Variants in UPP2 observed in about 807,000 individuals in gnomAD.
UPP2 encodes uridine phosphorylase 2.
A neutral mutation model predicts 26.7 loss-of-function variants in UPP2; 23 were observed. The observed-to-expected ratio is 0.86, with a 90% confidence interval of 0.62 to 1.22. The LOEUF is 1.22. Among genes scored for constraint, UPP2 ranks in the 50% most tolerant of loss-of-function variants. UPP2 has a pLI of 0.00. For synonymous variants in UPP2, 127 were observed against 141.3 expected, an observed-to-expected ratio of 0.90 and a Z score of 0.72; for missense variants, 387 against 396.7, an observed-to-expected ratio of 0.98 and a Z score of 0.21.
chr2:158,092,707 G>C (rs1012664858), intron 3 of UPP2, among the ~76,000 whole-genome samples: 1 of 152,100 alleles, frequency 6.6e-6, no homozygotes, highest in African/African-American at 2.4e-5. Context: ...AAGGGAGGAA[G>C]GGATGAAAAC....
In UPP2 at chr2:158,046,372, A is replaced by T. The variant is rs570475753; in HGVS notation, c.147+30486A>T. On this transcript the variant is annotated intron_variant, in intron 3 of 9. Coordinates refer to the UPP2 transcript ENST00000605860. Reference sequence around the variant, plus strand: ...ATTGCTCTTTAAATCATAACCTACAACTTCACTTTTTACTCTTAAGCATCT... The same window carrying T: ...ATTGCTCTTTAAATCATAACCTACATCTTCACTTTTTACTCTTAAGCATCT... Among the ~76,000 whole-genome samples, 12 of 152,146 alleles carry T rather than the reference A, an allele frequency of 7.9e-5. No homozygotes were observed. In the South Asian group the frequency reaches 2.5e-3, roughly 32 times the overall value.
At chr2:158,052,803 A>G (rs887171082) in intron 3 of UPP2, among the ~76,000 whole-genome samples, 2 of 152,234 alleles carry the variant, frequency 1.3e-5, no homozygotes, top group Non-Finnish European at 2.9e-5. Flanking sequence ...GATAGTAAAC[A>G]TTGGAGGTTT....
chr2:158,111,543 TG>T (rs1178989254), intron 2 of UPP2, among the ~76,000 whole-genome samples: 1 of 152,190 alleles, frequency 6.6e-6, no homozygotes, highest in East Asian at 1.9e-4. Flanking sequence ...GTGTCTTAAA[TG>T]GGTGCTTAGA....
chr2:157,998,301 A>G (rs1434423571), intron 2 of UPP2, among the ~76,000 whole-genome samples: 5 of 152,062 alleles, frequency 3.3e-5, no homozygotes, highest in African/African-American at 1.2e-4. Context: ...CCTCCCACCT[A>G]ATGCTCCACC....
At chr2:158,029,871 A>C (rs1683898137) in intron 3 of UPP2, among the ~76,000 whole-genome samples, 1 of 151,422 alleles carries the variant, frequency 6.6e-6, no homozygotes, top group African/African-American at 2.4e-5. Flanking sequence ...CTAGTTCTAC[A>C]GTTTTATAGA....
exon 3 of UPP2, chr2:158,015,851 C>A (rs768247583): frequency 4.4e-6 from 2 of 453,036 alleles, no homozygotes; most frequent in South Asian, 3.1e-5. Flanking sequence ...TGTCCTGAGG[C>A]CTCCCAGCCA....
chr2:158,070,574 C>T (rs377394816), intron 3 of UPP2, among the ~76,000 whole-genome samples: 1 of 152,216 alleles, frequency 6.6e-6, no homozygotes, highest in Non-Finnish European at 1.5e-5. Flanking sequence ...GCATTTTTCA[C>T]TAAAAATATT....
chr2:158,068,918 T>G (rs568671789), intron 3 of UPP2, among the ~76,000 whole-genome samples: 2 of 141,294 alleles, frequency 1.4e-5, no homozygotes, highest in Admixed American at 1.5e-4. Flanking sequence ...CCCAGGTTCA[T>G]GCCATTCTCC....
At chr2:158,008,728 G>A (rs1683531390) in intron 2 of UPP2, among the ~76,000 whole-genome samples, 1 of 152,142 alleles carries the variant, frequency 6.6e-6, no homozygotes, top group South Asian at 2.1e-4. Context: ...AATAAGACCT[G>A]TAATCAGTGT....
At chr2:158,080,104 A>G (rs897621328) in intron 3 of UPP2, among the ~76,000 whole-genome samples, 1 of 152,154 alleles carries the variant, frequency 6.6e-6, no homozygotes, top group African/African-American at 2.4e-5. Context: ...TGAGCCACAC[A>G]CCATTTCATG....
chr2:158,134,258 C>A (rs1026079289), intron 6 of UPP2, among the ~76,000 whole-genome samples: 1 of 152,168 alleles, frequency 6.6e-6, no homozygotes, highest in African/African-American at 2.4e-5. Flanking sequence ...CGTTCTATAT[C>A]TCTTCTGTAT....
rs112072452 is a variant in UPP2 at position 158,077,000 on chromosome 2, A to G, written c.148-25040A>G. ...CAGGATACATAATCAACATACGAAA[A>G]TCAGTAGCATTTCTATATGCCAACA... On this transcript the variant is annotated intron_variant, in intron 3 of 9. Transcript: ENST00000605860. Among the ~76,000 whole-genome samples the G allele has an allele frequency of 5.0e-3, 769 of 152,282 alleles. 5 individuals are homozygous for G. The highest frequency in any genetic ancestry group is 7.4e-3 in the Non-Finnish European group (500 of 67,978).
chr2:158,100,180 A>G (rs771655995), upstream of UPP2, among the ~76,000 whole-genome samples: 39 of 152,208 alleles, frequency 2.6e-4, no homozygotes, highest in Admixed American at 7.2e-4. Flanking sequence ...ACTTTCATCA[A>G]CTTTTATAGA....
chr2:158,121,867 G>A (rs528304937), intron 5 of UPP2, among the ~76,000 whole-genome samples: 43 of 152,104 alleles, frequency 2.8e-4, no homozygotes, highest in Non-Finnish European at 2.8e-4. Context: ...TGCAATTAGT[G>A]ATGTTCACAG....
In UPP2 at chr2:158,071,054, A is replaced by G. The variant is rs527870504; in HGVS notation, c.148-30986A>G. Among the ~76,000 whole-genome samples, 7 of 152,302 alleles carry G rather than the reference A, an allele frequency of 4.6e-5. No homozygotes were observed. In the East Asian group the frequency reaches 1.4e-3, roughly 29 times the overall value. ...AGTTTCTCTGCAAGCCTCATCACCAAGGGCTAAAGTGCTCTGGAGTACTAG... is the reference window on the plus strand; with the variant it reads ...AGTTTCTCTGCAAGCCTCATCACCAGGGGCTAAAGTGCTCTGGAGTACTAG... On this transcript the variant is annotated intron_variant, in intron 3 of 9. Coordinates refer to the UPP2 transcript ENST00000605860.
At chr2:158,044,367 A>T (rs967309358) in intron 3 of UPP2, among the ~76,000 whole-genome samples, 1 of 152,110 alleles carries the variant, frequency 6.6e-6, no homozygotes, top group African/African-American at 2.4e-5. Flanking sequence ...CCAACTTACA[A>T]TGACTGGGAG....
At chr2:158,100,047 A>G (rs888985051), upstream of UPP2, among the ~76,000 whole-genome samples, 7 of 152,204 alleles carry the variant, frequency 4.6e-5, no homozygotes, top group African/African-American at 1.7e-4. Flanking sequence ...GCCTTTTGCA[A>G]TACAGTCAAT....
intron 3 of UPP2, among the ~76,000 whole-genome samples, chr2:158,079,672 C>T (rs981727844): frequency 4.6e-5 from 7 of 151,818 alleles, no homozygotes; most frequent in Non-Finnish European, 8.8e-5. Context: ...TTTCAAATGG[C>T]TGAAAAAAAG....
chr2:158,041,918 C>T (rs1263824859), intron 3 of UPP2, among the ~76,000 whole-genome samples: 1 of 152,192 alleles, frequency 6.6e-6, no homozygotes, highest in African/African-American at 2.4e-5. Flanking sequence ...GGTTGGGAGA[C>T]ACCATTTTAA....
Sources: allele counts gnomAD v4.1 joint callset (sites outside exome capture counted in the v4.1 genomes callset), GRCh38; gene constraint gnomAD v4.1.1; transcripts MANE v1.5; gene names NCBI Gene and HGNC (gene_info 2026-07-23, HGNC 2026-07-21).